The following PLEKHG1 variants were observed in gnomAD, a reference collection of about 807,000 sequenced individuals.
PLEKHG1 encodes the protein pleckstrin homology domain-containing family G member 1.
PLEKHG1 carries 44 observed loss-of-function variants against 100.8 expected under a neutral mutation model. The observed-to-expected ratio is 0.44, with a 90% CI of 0.34 to 0.56. The LOEUF is 0.56. Ranked by LOEUF, PLEKHG1 falls within the 20% of genes least tolerant of loss-of-function variation. The probability of loss-of-function intolerance (pLI) is 0.01; values close to 1 mark genes in which losing one functional copy is unlikely to be tolerated. For synonymous variants in PLEKHG1, 640 were observed against 662.5 expected, an observed-to-expected ratio of 0.97 and a Z score of 0.52; for missense variants, 1,545 against 1,720.9, an observed-to-expected ratio of 0.90 and a Z score of 1.81.
intron 3 of PLEKHG1, among the ~76,000 whole-genome samples, chr6:150,685,417 G>A (rs943316673): frequency 6.6e-6 from 1 of 152,144 alleles, no homozygotes; most frequent in Non-Finnish European, 1.5e-5. Flanking sequence ...GGAGCTTCCC[G>A]TGGAAAAGAG....
intron 4 of PLEKHG1, among the ~76,000 whole-genome samples, chr6:150,791,895 A>G (rs913050310): frequency 1.3e-5 from 2 of 152,180 alleles, no homozygotes; most frequent in Admixed American, 6.5e-5. Context: ...AAACACAGCA[A>G]ATACATCTCT....
At position 150,600,229 on chromosome 6, in the gene PLEKHG1, G is replaced by A. The variant is rs1776280290; in HGVS notation, c.-204+212G>A. Among the ~76,000 whole-genome samples the A allele has an allele frequency of 6.6e-6, 1 of 150,980 alleles. No homozygotes were observed. Among genetic ancestry groups the A allele is most frequent in the Non-Finnish European group, 1.5e-5 (1 of 67,542 alleles). On this transcript the variant is annotated intron_variant, in intron 1 of 3. Transcript: ENST00000367326. The surrounding 1 kb of genome is among the most constrained non-coding windows in gnomAD (Gnocchi z 6.2). ...GGGGACAGAGGGCGCCGGGGGCACC[G>A]CGCGGTGGGGACGGAGGGCGCTGGG...
Position 150,630,695 on chromosome 6 carries a change from G to GC in PLEKHG1, c.-203-7383dup, listed in dbSNP as rs530874763. Reference sequence around the variant, plus strand: ...GTGAACCTGGTGCTCAGGAGAGGGGGCCGGTGTGGAAATACACACCTGAGA... The same window carrying GC: ...GTGAACCTGGTGCTCAGGAGAGGGGGCCCGGTGTGGAAATACACACCTGAGA... On this transcript the variant is annotated intron_variant, in intron 1 of 3. Coordinates refer to the PLEKHG1 transcript ENST00000367326. 3.9e-4 allele frequency among the ~76,000 whole-genome samples: 59 copies of GC among 152,242 alleles called. 1 individual carries two copies. The South Asian group carries it at 4.2e-3, about 11-fold the overall frequency.
chr6:150,804,860 C>T (rs1786963919), intron 7 of PLEKHG1, 119 bp downstream of exon 8: 3 of 916,436 alleles, frequency 3.3e-6, no homozygotes, highest in East Asian at 2.7e-5. Context: ...CAGTGTAGTT[C>T]TCCCTGAAAA....
intron 15 of PLEKHG1, 36 bp downstream of exon 16, chr6:150,832,241 A>G: frequency 6.6e-7 from 1 of 1,505,194 alleles, no homozygotes; most frequent in Non-Finnish European, 8.9e-7. Flanking sequence ...TCTCCAAAGT[A>G]AGAGGGGAGA....
At chr6:150,832,072 T>G in exon 15 of PLEKHG1, 1 of 1,614,100 alleles carries the variant, frequency 6.2e-7, no homozygotes, top group Non-Finnish European at 8.5e-7. Context: ...GTCAGAAGAT[T>G]AAGAAGGCGA....
At chr6:150,737,888 C>T (rs1295488311) in intron 2 of PLEKHG1, among the ~76,000 whole-genome samples, 1 of 152,038 alleles carries the variant, frequency 6.6e-6, no homozygotes, top group Non-Finnish European at 1.5e-5. Flanking sequence ...ACTGCAGCCT[C>T]GACCTCCTGG....
chr6:150,716,583 C>G (rs1582993532), upstream of PLEKHG1, among the ~76,000 whole-genome samples: 3 of 152,182 alleles, frequency 2.0e-5, no homozygotes, highest in Non-Finnish European at 4.4e-5. Flanking sequence ...GGTGCCTCAA[C>G]TAGCTCAGGC....
At position 150,766,519 on chromosome 6, in the gene PLEKHG1, G is replaced by T. The variant is rs112690305; in HGVS notation, c.412-2119G>T. On this transcript the variant is annotated intron_variant, in intron 2 of 15. Transcript: ENST00000358517. ...TAAAAGATGTACTTATGATCAGTGG[G>T]GGGGAACAAGTTATGACCATACAAC... is the stretch of plus-strand genomic sequence containing the variant. Among the ~76,000 whole-genome samples the T allele has an allele frequency of 2.2e-3, 337 of 152,362 alleles. 4 individuals carry two copies. Among genetic ancestry groups the T allele is most frequent in the African/African-American group, 7.6e-3 (316 of 41,590 alleles).
At position 150,830,486 on chromosome 6, in the gene PLEKHG1, G is replaced by C. The variant is rs1776854283; in HGVS notation, c.1471-96G>C. 5 of 840,686 alleles carry C rather than the reference G, an allele frequency of 5.9e-6. No individual in the cohort carries two copies. The East Asian group carries it at 1.2e-4, about 21-fold the overall frequency. 52.1% of individuals were successfully genotyped at this position (840,686 alleles called of 1,614,324 possible). ...AAAAATAAAAGAATATTAAAGCCTA[G>C]TGGGGGAGGCAGTGTGTAAACACAG... On this transcript the variant is annotated intron_variant, in intron 14 of 15. Coordinates refer to ENST00000358517, the Ensembl canonical transcript of PLEKHG1.
At chr6:150,824,723 G>GT (rs34742236) in intron 14 of PLEKHG1, among the ~76,000 whole-genome samples, 79,339 of 151,650 alleles carry the variant, frequency 0.52, 21,006 homozygotes, top group Non-Finnish European at 0.56. Context: ...AGAGACGGGG[G>GT]TTCACCAAGT....
intron 3 of PLEKHG1, among the ~76,000 whole-genome samples, chr6:150,679,388 G>A (rs964511588): frequency 1.2e-4 from 19 of 152,286 alleles, no homozygotes; most frequent in Non-Finnish European, 2.6e-4. Flanking sequence ...AATATTAAAT[G>A]TAAGTAAGGG....
intron 3 of PLEKHG1, among the ~76,000 whole-genome samples, chr6:150,772,087 C>G (rs1415985727): frequency 1.3e-5 from 2 of 152,188 alleles, no homozygotes; most frequent in African/African-American, 4.8e-5. Flanking sequence ...TGTTGGTAAA[C>G]CAGTTCTCCA....
intron 3 of PLEKHG1, among the ~76,000 whole-genome samples, chr6:150,667,683 G>T (rs1779448388): frequency 6.6e-6 from 1 of 152,166 alleles, no homozygotes; most frequent in Admixed American, 6.5e-5. Flanking sequence ...AAATTGCCTA[G>T]GAAATAATAT....
intron 1 of PLEKHG1, among the ~76,000 whole-genome samples, chr6:150,636,477 CTT>C (rs772492111): frequency 1.8e-5 from 1 of 54,902 alleles, no homozygotes; most frequent in African/African-American, 6.3e-5. Flanking sequence ...CAGTTGGTCC[CTT>C]TTTTTTTTCT....
At chr6:150,760,151 A>G (rs1179234129) in intron 2 of PLEKHG1, among the ~76,000 whole-genome samples, 2 of 152,216 alleles carry the variant, frequency 1.3e-5, no homozygotes, top group African/African-American at 4.8e-5. Flanking sequence ...ACCATGTTTC[A>G]AATTACACCA....
rs750485052 is a variant in PLEKHG1, at chr6:150,814,900, A to G, written c.1279-3283A>G. 3.9e-5 allele frequency among the ~76,000 whole-genome samples: 6 copies of G among 152,182 alleles called. No individual in the cohort carries two copies. In the Middle Eastern group the frequency reaches 0.014, roughly 345 times the overall value. On this transcript the variant is annotated intron_variant, in intron 10 of 15. Coordinates refer to ENST00000358517, the Ensembl canonical transcript of PLEKHG1. ...ACACCTGGCTAATTTTTGTATTTTT[A>G]GTAGAGATGAGGTTTCACCATGTTG...
At chr6:150,824,045 T>C (rs1270813319) in intron 14 of PLEKHG1, among the ~76,000 whole-genome samples, 1 of 152,188 alleles carries the variant, frequency 6.6e-6, no homozygotes, top group Non-Finnish European at 1.5e-5. Flanking sequence ...CCCTGCCTCC[T>C]GGATATAACT....
chr6:150,671,379 A>G (rs1779575693), intron 3 of PLEKHG1, among the ~76,000 whole-genome samples: 1 of 152,150 alleles, frequency 6.6e-6, no homozygotes, highest in African/African-American at 2.4e-5. Context: ...TTCCCTGTTC[A>G]CTGCATCCAC....
Sources: gnomAD v4.1 joint callset for allele counts (sites outside exome capture counted in the v4.1 genomes callset) on GRCh38, gnomAD v4.1.1 for gene constraint, Gnocchi (gnomAD v3.1) non-coding constraint, MANE v1.5 for transcripts, NCBI Gene and HGNC (gene_info 2026-07-23, HGNC 2026-07-21) for gene names.